NBAS: variants seen among roughly 807,000 people sequenced by gnomAD.
NBAS encodes NBAS subunit of NRZ tethering complex.
NBAS carries 219 observed loss-of-function variants against 302.5 expected under a neutral mutation model. The observed-to-expected ratio is 0.72, with a 90% confidence interval of 0.65 to 0.81. The LOEUF (loss-of-function observed/expected upper bound fraction) is 0.81, where lower values mean the gene tolerates loss of function less well. Among genes scored for constraint, NBAS ranks in the 30% least tolerant of loss-of-function variants. The probability of loss-of-function intolerance (pLI) is 0.00; values close to 1 mark genes in which losing one functional copy is unlikely to be tolerated. For missense variants in NBAS, 2,932 were observed against 2,841.6 expected, an observed-to-expected ratio of 1.03 and a Z score of -0.72; for synonymous variants, 1,118 against 1,021.6, an observed-to-expected ratio of 1.09 and a Z score of -1.80.
At chr2:14,964,798 A>C in the NBAS span, among the ~76,000 whole-genome samples, 1 of 152,136 alleles carries the variant, frequency 6.6e-6, no homozygotes, top group Non-Finnish European at 1.5e-5. Context: ...CCATAAAAAA[A>C]CTCAATAAAA....
the NBAS span, among the ~76,000 whole-genome samples, chr2:14,824,113 G>A: frequency 1.3e-3 from 199 of 152,264 alleles, no homozygotes; most frequent in Middle Eastern, 3.4e-3. Context: ...AGCAACTGTC[G>A]TCCCCACCCC....
At chr2:14,817,337 A>G in the NBAS span, among the ~76,000 whole-genome samples, 3 of 152,308 alleles carry the variant, frequency 2.0e-5, no homozygotes, top group East Asian at 1.9e-4. Flanking sequence ...AGGAAGGACC[A>G]TTAACTCTGA....
chr2:15,080,070 CA>C, the NBAS span, among the ~76,000 whole-genome samples: 3 of 152,138 alleles, frequency 2.0e-5, no homozygotes, highest in Admixed American at 6.5e-5. Flanking sequence ...GAACAAGCCC[CA>C]CCCTCATCCC....
chr2:15,330,613 G>T lies in NBAS; in HGVS notation c.4332C>A (p.Tyr1444Ter). ...CACTGCTTACCTGAAGGGGTCGAAG[G>T]TAAGTTAAAGACTTCTTCCACCACT... ...DGQWWKKSLT[Y>*]LRPLQGQKCG... is the part of the protein sequence containing the mutation. The change falls in exon 36 of 52, where the codon TAC becomes TAA. Residue 1444 changes from tyrosine to a stop codon, truncating the protein, a stop_gained. Transcript: ENST00000281513. LOFTEE classifies it high-confidence loss of function. 1 of 1,613,912 alleles carries T rather than the reference G, an allele frequency of 6.2e-7. No homozygotes were observed. The highest frequency in any genetic ancestry group is 8.5e-7 in the Non-Finnish European group (1 of 1,179,876).
chr2:15,157,578 C>G, the NBAS span, among the ~76,000 whole-genome samples: 1 of 152,222 alleles, frequency 6.6e-6, no homozygotes, highest in African/African-American at 2.4e-5. Flanking sequence ...ACTAACCAGG[C>G]ACCAAGTTCA....
At chr2:14,817,477 C>G in the NBAS span, among the ~76,000 whole-genome samples, 367 of 152,270 alleles carry the variant, frequency 2.4e-3, no homozygotes, top group African/African-American at 8.1e-3. Flanking sequence ...TAAGAACAGG[C>G]TCCTGTTTAT....
At chr2:15,171,436 A>C (rs1279249192) in intron 51 of NBAS, among the ~76,000 whole-genome samples, 3 of 152,170 alleles carry the variant, frequency 2.0e-5, no homozygotes, top group African/African-American at 7.2e-5. Context: ...GAATTTTTAA[A>C]TTGTTTTTTA....
chr2:15,140,394 T>G, the NBAS span, among the ~76,000 whole-genome samples: 1 of 152,194 alleles, frequency 6.6e-6, no homozygotes, highest in Non-Finnish European at 1.5e-5. Flanking sequence ...ACCCTAAATT[T>G]GGGGTGGTTT....
the NBAS span, among the ~76,000 whole-genome samples, chr2:15,143,465 C>G: frequency 6.6e-6 from 1 of 152,140 alleles, no homozygotes; most frequent in South Asian, 2.1e-4. Context: ...ACATGAAACT[C>G]AGAACAAACA....
At chr2:15,280,480 T>C (rs1426891121) in intron 42 of NBAS, among the ~76,000 whole-genome samples, 1 of 152,104 alleles carries the variant, frequency 6.6e-6, no homozygotes, top group African/African-American at 2.4e-5. Context: ...CTTGTTGCTA[T>C]TAGCTCATTA....
chr2:14,891,288 T>C, the NBAS span, among the ~76,000 whole-genome samples: 1 of 152,140 alleles, frequency 6.6e-6, no homozygotes, highest in Non-Finnish European at 1.5e-5. Flanking sequence ...AAATAAAATG[T>C]AGAGATAAAA....
At chr2:15,040,882 C>T in the NBAS span, among the ~76,000 whole-genome samples, 3 of 152,244 alleles carry the variant, frequency 2.0e-5, no homozygotes, top group Non-Finnish European at 4.4e-5. Context: ...TTGAGGTTAT[C>T]TCTGCCTTCC....
the NBAS span, among the ~76,000 whole-genome samples, chr2:15,034,220 G>A: frequency 5.5e-5 from 6 of 109,244 alleles, no homozygotes; most frequent in Non-Finnish European, 7.8e-5. Flanking sequence ...GAAAGAAAGA[G>A]AGGGAAAGAA....
At chr2:15,383,367 A>C in intron 28 of NBAS, 50 bp from the exon 29 acceptor site, 1 of 1,539,092 alleles carries the variant, frequency 6.5e-7, no homozygotes, top group Non-Finnish European at 9.0e-7. Context: ...AAACAATTAA[A>C]ATCTCTTTCT....
chr2:14,964,861 T>A, the NBAS span, among the ~76,000 whole-genome samples: 23,492 of 152,034 alleles, frequency 0.15, 2,309 homozygotes, highest in African/African-American at 0.28. Flanking sequence ...TGAAATTAAA[T>A]TAGAAATTAG....
the NBAS span, among the ~76,000 whole-genome samples, chr2:15,121,124 C>G: frequency 6.6e-6 from 1 of 152,154 alleles, no homozygotes; most frequent in Non-Finnish European, 1.5e-5. Flanking sequence ...TCAAGCCAGC[C>G]CATATGTCTA....
intron 44 of NBAS, among the ~76,000 whole-genome samples, chr2:15,263,066 G>A (rs990201667): frequency 6.6e-6 from 1 of 152,172 alleles, no homozygotes; most frequent in East Asian, 1.9e-4. Context: ...ACATCAGGCT[G>A]CAAGAGGCTT....
intron 40 of NBAS, among the ~76,000 whole-genome samples, chr2:15,301,625 C>A (rs1287510185): frequency 6.6e-6 from 1 of 152,218 alleles, no homozygotes; most frequent in Admixed American, 6.5e-5. Flanking sequence ...CCAGAAGGCT[C>A]AGCAAGGCAG....
chr2:15,514,997 G>T (rs954653566), intron 9 of NBAS, among the ~76,000 whole-genome samples: 1 of 152,160 alleles, frequency 6.6e-6, no homozygotes, highest in Non-Finnish European at 1.5e-5. Flanking sequence ...ATCATGTGTT[G>T]TTCCAATCAG....
Sources: allele counts gnomAD v4.1 joint callset (sites outside exome capture counted in the v4.1 genomes callset), GRCh38; gene constraint gnomAD v4.1.1; transcripts MANE v1.5; gene names NCBI Gene and HGNC (gene_info 2026-07-23, HGNC 2026-07-21).